Variants in CNGB3 observed in about 807,000 individuals in gnomAD.
CNGB3 encodes the protein cyclic nucleotide gated channel subunit beta 3.
In CNGB3, 86 loss-of-function variants were observed where a neutral mutation model predicts 92.8. The observed-to-expected ratio is 0.93, with a 90% CI of 0.78 to 1.11. The LOEUF (loss-of-function observed/expected upper bound fraction) is 1.11. CNGB3 is among the 50% of genes least tolerant of loss of function. The pLI is 0.00. For synonymous variants in CNGB3, 333 were observed against 332.7 expected (o/e 1.00, Z -0.01); for missense variants, 1,026 against 956.8 (o/e 1.07, Z -0.95).
intron 3 of CNGB3, among the ~76,000 whole-genome samples, chr8:86,697,911 G>A (rs186776591): frequency 1.9e-4 from 29 of 152,120 alleles, no homozygotes; most frequent in Middle Eastern, 3.4e-3. Flanking sequence ...CTGTCCTTGC[G>A]ATAGTTTGCT....
intron 2 of CNGB3, among the ~76,000 whole-genome samples, chr8:86,736,889 G>A (rs912064304): frequency 6.6e-6 from 1 of 152,124 alleles, no homozygotes; most frequent in Non-Finnish European, 1.5e-5. Context: ...TCAGTGACAC[G>A]TTATCCTAAA....
At chr8:86,668,723 T>C (rs922469773) in intron 4 of CNGB3, among the ~76,000 whole-genome samples, 39 of 151,522 alleles carry the variant, frequency 2.6e-4, no homozygotes, top group African/African-American at 9.4e-4. Context: ...GAAAAACTAC[T>C]AAATGATGAC....
At chr8:86,591,164 T>C (rs1822025978) in intron 15 of CNGB3, among the ~76,000 whole-genome samples, 1 of 149,746 alleles carries the variant, frequency 6.7e-6, no homozygotes, top group Non-Finnish European at 1.5e-5. Flanking sequence ...CTTCACGTAG[T>C]TCTCGAGCCT....
At chr8:86,737,881 G>A (rs1053042154) in intron 2 of CNGB3, among the ~76,000 whole-genome samples, 1 of 152,132 alleles carries the variant, frequency 6.6e-6, no homozygotes, top group African/African-American at 2.4e-5. Flanking sequence ...TCAGTACTTC[G>A]ACTGCAGGGA....
At chr8:86,588,983 T>G (rs1441863642) in intron 15 of CNGB3, among the ~76,000 whole-genome samples, 1 of 152,214 alleles carries the variant, frequency 6.6e-6, no homozygotes, top group Non-Finnish European at 1.5e-5. Context: ...TCTTTTTGGT[T>G]GTTAAGCTAT....
intron 14 of CNGB3, among the ~76,000 whole-genome samples, chr8:86,609,380 C>A (rs138941121): frequency 1.6e-3 from 240 of 152,302 alleles, no homozygotes; most frequent in African/African-American, 5.7e-3. Context: ...TTTCATATCA[C>A]CAATCTGCCT....
At chr8:86,681,320 G>C (rs747430017) in intron 3 of CNGB3, among the ~76,000 whole-genome samples, 3 of 152,094 alleles carry the variant, frequency 2.0e-5, no homozygotes, top group East Asian at 1.9e-4. Flanking sequence ...AACAAAAAAA[G>C]ATTTGAGATT....
chr8:86,739,075 A>G (rs1415998054), intron 2 of CNGB3, among the ~76,000 whole-genome samples: 2 of 152,150 alleles, frequency 1.3e-5, no homozygotes, highest in Non-Finnish European at 2.9e-5. Flanking sequence ...ATGCAGTAGA[A>G]TATACCGTCG....
intron 15 of CNGB3, among the ~76,000 whole-genome samples, chr8:86,585,040 C>T (rs1821865063): frequency 6.6e-6 from 1 of 152,026 alleles, no homozygotes; most frequent in Non-Finnish European, 1.5e-5. Flanking sequence ...ATATTTAGTA[C>T]CTACTATAGG....
At chr8:86,603,738 A>G (rs1316490914) in intron 15 of CNGB3, among the ~76,000 whole-genome samples, 1 of 152,174 alleles carries the variant, frequency 6.6e-6, no homozygotes, top group Non-Finnish European at 1.5e-5. Context: ...TAGCCTACGC[A>G]AGACCCCCTT....
chr8:86,718,634 C>G (rs1023373589), intron 3 of CNGB3, among the ~76,000 whole-genome samples: 1 of 152,010 alleles, frequency 6.6e-6, no homozygotes. Context: ...TTCTACAGGA[C>G]AGAGATAAAG....
intron 15 of CNGB3, among the ~76,000 whole-genome samples, chr8:86,587,279 T>G (rs1270393266): frequency 6.6e-6 from 1 of 151,936 alleles, no homozygotes; most frequent in African/African-American, 2.4e-5. Context: ...TTCTCCCATT[T>G]TGTAGGTTGC....
chr8:86,668,080 C>G lies in CNGB3; in HGVS notation c.582G>C (p.Lys194Asn). The G allele has an allele frequency of 1.2e-6, 2 of 1,613,434 alleles. No individual in the cohort carries two copies. Among genetic ancestry groups the G allele is most frequent in the Non-Finnish European group, 1.7e-6 (2 of 1,179,896 alleles). The change falls in exon 5 of 18, where the codon AAG (lysine) becomes AAC (asparagine). Residue 194 changes from lysine to asparagine, a missense_variant. By Grantham distance (94) the Lys-to-Asn change is moderately conservative (BLOSUM62 0). Transcript: ENST00000320005. ...GCTTTAAGTACTCTGTTAAAGGCAT[C>G]TTTTTGACTTTGAACCACAACAGCC... is the stretch of plus-strand genomic sequence containing the variant. ...YYRLLWFKVK[K>N]MPLTEYLKRI...
At chr8:86,586,586 GTTTGGTTTTTTGTTC>G (rs1821899102) in intron 15 of CNGB3, among the ~76,000 whole-genome samples, 3 of 150,004 alleles carry the variant, frequency 2.0e-5, no homozygotes, top group African/African-American at 7.4e-5. Flanking sequence ...AATATGCGGT[GTTTGGTTTTTTGTTC>G]TTGCGATAGT....
rs557654289 is a variant in CNGB3, at chr8:86,619,552, A to G, written c.1578+6431T>C. Among the ~76,000 whole-genome samples, 22 of 152,232 alleles carry G rather than the reference A, an allele frequency of 1.4e-4. No individual in the cohort carries two copies. The South Asian group carries it at 4.1e-3, about 29-fold the overall frequency. On this transcript the variant is annotated intron_variant, in intron 13 of 17. Coordinates refer to ENST00000320005, the MANE Select transcript of CNGB3 (RefSeq NM_019098.5). ...CCACAATTTATTGAAGCAAAGTTTT[A>G]GTGAAAATCTGTGACTCTAATTCCA...
At chr8:86,681,258 G>A (rs1280190208) in intron 3 of CNGB3, among the ~76,000 whole-genome samples, 1 of 152,130 alleles carries the variant, frequency 6.6e-6, no homozygotes, top group Non-Finnish European at 1.5e-5. Flanking sequence ...AAAGGGAATA[G>A]ATAAGAGACG....
intron 3 of CNGB3, among the ~76,000 whole-genome samples, chr8:86,721,214 C>G (rs1247441520): frequency 1.3e-5 from 2 of 152,098 alleles, no homozygotes. Flanking sequence ...GATCCACCCA[C>G]CTTGGCCTCC....
At chr8:86,673,522 A>C (rs970195870) in intron 3 of CNGB3, among the ~76,000 whole-genome samples, 3 of 152,150 alleles carry the variant, frequency 2.0e-5, no homozygotes, top group African/African-American at 4.8e-5. Flanking sequence ...CATGTGATCT[A>C]TTGAGGAGTT....
chr8:86,623,179 G>A (rs1822775680), intron 13 of CNGB3, among the ~76,000 whole-genome samples: 1 of 152,042 alleles, frequency 6.6e-6, no homozygotes, highest in African/African-American at 2.4e-5. Context: ...ACACCAATAT[G>A]CTGACAGGTC....
Sources: allele counts gnomAD v4.1 joint callset (sites outside exome capture counted in the v4.1 genomes callset), GRCh38; gene constraint gnomAD v4.1.1; transcripts MANE v1.5; gene names NCBI Gene and HGNC (gene_info 2026-07-23, HGNC 2026-07-21).